The following BEST3 variants were observed in gnomAD, a reference collection of about 807,000 sequenced individuals.
BEST3 encodes the protein bestrophin-3.
BEST3 carries 50 observed loss-of-function variants against 47.1 expected under a neutral mutation model. That is an observed-to-expected ratio of 1.06 (90% CI 0.85 to 1.34). The LOEUF is 1.34. Among genes scored for constraint, BEST3 ranks in the 40% most tolerant of loss-of-function variants. The pLI is 0.00. For missense variants in BEST3, 765 were observed against 817.0 expected (o/e 0.94, Z 0.78); for synonymous variants, 282 against 298.8 (o/e 0.94, Z 0.58).
chr12:69,669,809 G>C (rs1414262693), intron 9 of BEST3: 2 of 152,116 alleles, frequency 1.3e-5, no homozygotes, highest in East Asian at 1.9e-4. Context: ...TAAAGAACAT[G>C]AACATTTATG....
intron 4 of BEST3, among the ~76,000 whole-genome samples, chr12:69,688,896 T>A (rs1885792230): frequency 6.6e-6 from 1 of 152,164 alleles, no homozygotes; most frequent in Non-Finnish European, 1.5e-5. Context: ...AGTGGTATCG[T>A]GGGATCCAAA....
intron 4 of BEST3, among the ~76,000 whole-genome samples, chr12:69,693,139 G>A (rs1351485266): frequency 6.6e-6 from 1 of 152,028 alleles, no homozygotes; most frequent in Non-Finnish European, 1.5e-5. Flanking sequence ...TTGAGGGCAG[G>A]AACCATGTCT....
At position 69,676,935 on chromosome 12, in the gene BEST3, A is replaced by G. The variant is rs752576624; in HGVS notation, c.848T>C (p.Phe283Ser). The change falls in exon 7 of 10, where the codon TTC (phenylalanine) becomes TCC (serine). Residue 283 changes from phenylalanine (F) to serine (S), a missense_variant. Coordinates refer to ENST00000330891, the MANE Select transcript of BEST3 (RefSeq NM_032735.3). ...GGCTACCTTAAGCCATCCTGCATAG[A>G]AGAAGAATTGTAGGAGGGTGAAGAT... The part of the protein sequence containing the change: ...IPIFTLLQFF[F>S]YAGWLKVAEQ... 1 of 1,613,776 alleles carries G rather than the reference A, an allele frequency of 6.2e-7. No individual in the cohort carries two copies. Among genetic ancestry groups the G allele is most frequent in the Non-Finnish European group, 8.5e-7 (1 of 1,179,850 alleles).
downstream of BEST3, among the ~76,000 whole-genome samples, chr12:69,652,933 G>A (rs1218461790): frequency 2.6e-5 from 4 of 152,186 alleles, no homozygotes; most frequent in African/African-American, 4.8e-5. Flanking sequence ...TGGGAATAAC[G>A]GGGCTTTCCC....
At chr12:69,663,480 G>A (rs143304067) in intron 9 of BEST3, among the ~76,000 whole-genome samples, 13 of 152,238 alleles carry the variant, frequency 8.5e-5, no homozygotes, top group African/African-American at 2.9e-4. Context: ...GTGTTTTCTC[G>A]ATCTTGGTTA....
At chr12:69,666,298 G>A (rs776173) in intron 9 of BEST3, among the ~76,000 whole-genome samples, 75,323 of 152,086 alleles carry the variant, frequency 0.5, 18,830 homozygotes, top group Admixed American at 0.63. Flanking sequence ...GATTACAGGC[G>A]TGGGCCATCA....
chr12:69,643,528 T>A (rs955549047), downstream of BEST3: 1 of 448,974 alleles, frequency 2.2e-6, no homozygotes, highest in African/African-American at 2.0e-5. Context: ...CATTAAAATC[T>A]CCTGGGAAGG....
At chr12:69,660,878 T>C (rs1434791057) in intron 9 of BEST3, 7 of 152,282 alleles carry the variant, frequency 4.6e-5, no homozygotes, top group African/African-American at 1.7e-4. Flanking sequence ...CAAGTGTTAA[T>C]AAAAAACCCA....
intron 4 of BEST3, among the ~76,000 whole-genome samples, chr12:69,680,380 C>T (rs1383003646): frequency 7.1e-6 from 1 of 140,938 alleles, no homozygotes; most frequent in Non-Finnish European, 1.5e-5. Flanking sequence ...GCGATCTCAG[C>T]TCACTGCAAG....
intron 7 of BEST3, among the ~76,000 whole-genome samples, chr12:69,675,469 G>A (rs950644971): frequency 2.6e-5 from 4 of 152,188 alleles, no homozygotes; most frequent in African/African-American, 9.7e-5. Flanking sequence ...GCATGTCAGA[G>A]GGAAGGAACC....
chr12:69,689,249 T>C (rs550851010), intron 4 of BEST3: 398 of 985,492 alleles, frequency 4.0e-4, no homozygotes, highest in South Asian at 4.7e-4. Flanking sequence ...GCAGACCCCA[T>C]GTGCAGACTC....
At chr12:69,690,817 T>C (rs1885895191) in intron 4 of BEST3, among the ~76,000 whole-genome samples, 1 of 152,210 alleles carries the variant, frequency 6.6e-6, no homozygotes, top group African/African-American at 2.4e-5. Flanking sequence ...AGCTGTCTAG[T>C]AGCATTTTTA....
At chr12:69,662,245 C>T (rs1012631200) in intron 9 of BEST3, among the ~76,000 whole-genome samples, 2 of 152,152 alleles carry the variant, frequency 1.3e-5, no homozygotes, top group Non-Finnish European at 2.9e-5. Flanking sequence ...TCCCAGAATA[C>T]ACTTTTGTTG....
intron 7 of BEST3, among the ~76,000 whole-genome samples, chr12:69,673,506 C>T (rs748918660): frequency 2.0e-5 from 3 of 152,146 alleles, no homozygotes; most frequent in Non-Finnish European, 4.4e-5. Flanking sequence ...GGCATAATCT[C>T]GGCTCACTGC....
chr12:69,691,756 C>T (rs1440062701), intron 4 of BEST3, among the ~76,000 whole-genome samples: 1 of 152,196 alleles, frequency 6.6e-6, no homozygotes, highest in African/African-American at 2.4e-5. Flanking sequence ...AGCGCCACTT[C>T]ACTCCAGCCT....
At chr12:69,670,391 TCTC>T (rs1884488242) in intron 9 of BEST3, 1 of 697,208 alleles carries the variant, frequency 1.4e-6, no homozygotes, top group East Asian at 2.7e-5. Context: ...ACAAGGCAAA[TCTC>T]CTGGCTCCTA....
chr12:69,668,860 A>G (rs149496736), intron 9 of BEST3, among the ~76,000 whole-genome samples: 1,796 of 152,296 alleles, frequency 0.012, 41 homozygotes, highest in African/African-American at 0.041. Context: ...GTTGGAAAAG[A>G]GATGTGCTCT....
At chr12:69,659,696 T>A (rs1386235807) in intron 9 of BEST3, among the ~76,000 whole-genome samples, 1 of 118,326 alleles carries the variant, frequency 8.5e-6, no homozygotes, top group African/African-American at 3.2e-5. Context: ...GAGGCTGGAG[T>A]ATAAATTTTA....
At chr12:69,685,235 C>T (rs1258744061) in intron 4 of BEST3, among the ~76,000 whole-genome samples, 1 of 152,058 alleles carries the variant, frequency 6.6e-6, no homozygotes, top group East Asian at 1.9e-4. Flanking sequence ...CTCTAGTTAC[C>T]CATATCCTTG....
Sources: gnomAD v4.1 joint callset for allele counts (sites outside exome capture counted in the v4.1 genomes callset) on GRCh38, gnomAD v4.1.1 for gene constraint, MANE v1.5 for transcripts, NCBI Gene and HGNC (gene_info 2026-07-23, HGNC 2026-07-21) for gene names.